Variants in ZNF143 observed in about 807,000 individuals in gnomAD.
ZNF143 encodes the protein SPH-binding factor.
A neutral mutation model predicts 74.1 loss-of-function variants in ZNF143; 49 were observed. The observed-to-expected ratio is 0.66, with a 90% confidence interval of 0.53 to 0.84. The LOEUF (loss-of-function observed/expected upper bound fraction) is 0.84, where lower values mean the gene tolerates loss of function less well. Among genes scored for constraint, ZNF143 ranks in the 40% least tolerant of loss-of-function variants. The pLI, the probability that ZNF143 is intolerant of heterozygous loss-of-function variation, is 0.00. For synonymous variants in ZNF143, 304 were observed against 282.8 expected (o/e 1.07, Z -0.75); for missense variants, 637 against 793.4 (o/e 0.80, Z 2.37).
At position 9,478,272 on chromosome 11, in the gene ZNF143, C is replaced by T. The variant is rs80318219; in HGVS notation, c.374-118C>T. ...TAAATGAAATAACACATATCAAGTG[C>T]GTGGTCCAGTACTCAGAGTAACTAC... On this transcript the variant is annotated intron_variant, in intron 5 of 15. Transcript: ENST00000396602. 2.0e-3 allele frequency: 1,906 copies of T among 945,088 alleles called. 25 individuals are homozygous for T. In the African/African-American group the frequency reaches 0.027, roughly 13 times the overall value. The allele number at this position is 945,088 out of a possible 1,614,324, so 58.5% of individuals were successfully genotyped here.
intron 1 of ZNF143, among the ~76,000 whole-genome samples, chr11:9,468,084 C>T (rs1332226892): frequency 6.6e-6 from 1 of 152,144 alleles, no homozygotes; most frequent in African/African-American, 2.4e-5. Context: ...GTCAGAATCT[C>T]TTTCTTTTCT....
intron 1 of ZNF143, among the ~76,000 whole-genome samples, chr11:9,468,905 A>T (rs1414706654): frequency 6.6e-6 from 1 of 152,232 alleles, no homozygotes. Context: ...AGGCTGAGGC[A>T]TGCAGATCAC....
At chr11:9,465,118 C>T (rs1856117863) in intron 1 of ZNF143, among the ~76,000 whole-genome samples, 1 of 152,068 alleles carries the variant, frequency 6.6e-6, no homozygotes, top group Admixed American at 6.6e-5. Flanking sequence ...ATAGCAAGGG[C>T]TAGAGAATAA....
chr11:9,464,056 G>A (rs1179798474), intron 1 of ZNF143, among the ~76,000 whole-genome samples: 1 of 151,300 alleles, frequency 6.6e-6, no homozygotes, highest in Admixed American at 6.6e-5. Flanking sequence ...ATGCCTACAT[G>A]TTTCATTTAG....
chr11:9,512,350 A>G (rs903339093), intron 12 of ZNF143, 98 bp from the exon 13 acceptor site: 1 of 1,454,362 alleles, frequency 6.9e-7, no homozygotes, highest in African/African-American at 1.4e-5. Flanking sequence ...ATACATGTAC[A>G]TTTTAATTAT....
chr11:9,468,931 C>T (rs543012042), intron 1 of ZNF143, among the ~76,000 whole-genome samples: 5 of 151,942 alleles, frequency 3.3e-5, no homozygotes, highest in South Asian at 2.1e-4. Flanking sequence ...GTCAGAAGTT[C>T]GAGACCAGCC....
At chr11:9,513,520 C>A (rs186007319) in intron 13 of ZNF143, among the ~76,000 whole-genome samples, 58 of 152,282 alleles carry the variant, frequency 3.8e-4, no homozygotes, top group Middle Eastern at 3.4e-3. Context: ...CTCCCTGTTC[C>A]CTATACAGGA....
At chr11:9,507,325 G>C (rs994573179) in intron 11 of ZNF143, among the ~76,000 whole-genome samples, 3 of 152,066 alleles carry the variant, frequency 2.0e-5, no homozygotes, top group Non-Finnish European at 4.4e-5. Flanking sequence ...TCACCACAGG[G>C]TTCTTTTTGT....
intron 1 of ZNF143, among the ~76,000 whole-genome samples, chr11:9,469,415 A>T (rs1218743730): frequency 6.6e-6 from 1 of 151,656 alleles, no homozygotes; most frequent in East Asian, 2.0e-4. Context: ...TATTTTTAGT[A>T]GTGACGGGGT....
chr11:9,476,744 A>ATGTTTTT (rs1465968655), intron 5 of ZNF143, among the ~76,000 whole-genome samples: 1 of 45,988 alleles, frequency 2.2e-5, no homozygotes, highest in Non-Finnish European at 5.1e-5. Flanking sequence ...AAAGGGAGGA[A>ATGTTTTT]TCTTTTTTTT....
intron 7 of ZNF143, among the ~76,000 whole-genome samples, chr11:9,490,881 TAC>T (rs2134018166): frequency 6.6e-6 from 1 of 152,074 alleles, no homozygotes; most frequent in South Asian, 2.1e-4. Flanking sequence ...CACAAGTACA[TAC>T]CACCACACTC....
At chr11:9,510,747 T>C (rs1156850927) in intron 12 of ZNF143, among the ~76,000 whole-genome samples, 1 of 151,910 alleles carries the variant, frequency 6.6e-6, no homozygotes, top group East Asian at 1.9e-4. Context: ...TTTTTTTTGC[T>C]CTCTTTCTGA....
chr11:9,509,559 T>A (rs936539607), intron 12 of ZNF143, among the ~76,000 whole-genome samples: 1 of 152,242 alleles, frequency 6.6e-6, no homozygotes, highest in Non-Finnish European at 1.5e-5. Flanking sequence ...ACAGTTTCAT[T>A]GAGTACCTCC....
chr11:9,509,302 C>G (rs1201230369), intron 12 of ZNF143, among the ~76,000 whole-genome samples: 2 of 152,166 alleles, frequency 1.3e-5, no homozygotes, highest in African/African-American at 4.8e-5. Flanking sequence ...GCAGGGGCAG[C>G]CAGCCTGTTT....
At chr11:9,522,343 A>T (rs960974479) in intron 14 of ZNF143, among the ~76,000 whole-genome samples, 2 of 151,976 alleles carry the variant, frequency 1.3e-5, no homozygotes, top group African/African-American at 4.8e-5. Context: ...CCTCAGCCTC[A>T]GCCTCCCAAG....
At chr11:9,495,926 C>A (rs1394559261) in intron 8 of ZNF143, among the ~76,000 whole-genome samples, 1 of 152,046 alleles carries the variant, frequency 6.6e-6, no homozygotes, top group East Asian at 1.9e-4. Flanking sequence ...AGTGGTGGAT[C>A]CTTGCCTCAG....
chr11:9,496,374 A>G lies in ZNF143; in HGVS notation c.837A>G (p.Ala279=). The G allele has an allele frequency of 1.2e-6, 2 of 1,614,100 alleles. No individual in the cohort carries two copies. The highest frequency in any genetic ancestry group is 1.7e-6 in the Non-Finnish European group (2 of 1,179,994). Residue 279 remains alanine, a synonymous_variant, in exon 9 of 16, where the codon GCA becomes GCG. Transcript: ENST00000396602. The stretch of plus-strand genomic sequence containing the variant: ...ATGCAGGCTGTGGGAAGGCATTTGC[A>G]ACAGGTAAAAGTATGAATTTTGTTT... ...CEHAGCGKAF[A]TGYGLKSHVR... is the part of the protein sequence containing the mutation.
chr11:9,514,992 G>A (rs1025038158), intron 13 of ZNF143, among the ~76,000 whole-genome samples: 4 of 152,324 alleles, frequency 2.6e-5, no homozygotes, highest in South Asian at 2.1e-4. Flanking sequence ...GCCGGGTGTG[G>A]TGGTGCATGC....
rs749001484 is a variant in ZNF143, at chr11:9,516,249, A to G, written c.1573A>G (p.Met525Val). Residue 525 changes from methionine (M) to valine (V), a missense_variant, in exon 14 of 16, where the codon ATG becomes GTG. By Grantham distance (21) the Met-to-Val change is conservative. Transcript: ENST00000396602. ...GCAGGCCATTGGCAACACCATCACA[A>G]TGGTAACGCAGGATGGCACGCCCAT... ...DMQAIGNTITMVTQDGTPITV... is the reference protein window; with the variant it reads ...DMQAIGNTITVVTQDGTPITV... The G allele has an allele frequency of 1.2e-5, 19 of 1,614,116 alleles. No individual in the cohort carries two copies. Among genetic ancestry groups the G allele is most frequent in the South Asian group, 2.2e-5 (2 of 91,072 alleles).
Sources: gnomAD v4.1 joint callset for allele counts (sites outside exome capture counted in the v4.1 genomes callset) on GRCh38, gnomAD v4.1.1 for gene constraint, MANE v1.5 for transcripts, NCBI Gene and HGNC (gene_info 2026-07-23, HGNC 2026-07-21) for gene names.